The following TCF7L2 variants were observed in gnomAD, a reference collection of about 807,000 sequenced individuals.
The protein encoded by TCF7L2 is transcription factor 7-like 2.
TCF7L2 carries 23 observed loss-of-function variants against 77.9 expected under a neutral mutation model. That is an observed-to-expected ratio of 0.30 (90% CI 0.21 to 0.42). The LOEUF (loss-of-function observed/expected upper bound fraction) is 0.42. Among genes scored for constraint, TCF7L2 ranks in the 10% least tolerant of loss-of-function variants. TCF7L2 has a pLI of 1.00. For synonymous variants in TCF7L2, 413 were observed against 340.2 expected (o/e 1.21, Z -2.36); for missense variants, 654 against 793.1 (o/e 0.82, Z 2.11).
At chr10:113,065,850 G>A (rs2057173197) in intron 5 of TCF7L2, among the ~76,000 whole-genome samples, 1 of 152,186 alleles carries the variant, frequency 6.6e-6, no homozygotes, top group African/African-American at 2.4e-5. Context: ...AACATGATAT[G>A]TTGCTTTGCC....
At chr10:112,973,197 G>T (rs578176331) in intron 4 of TCF7L2, among the ~76,000 whole-genome samples, 8 of 152,206 alleles carry the variant, frequency 5.3e-5, no homozygotes, top group African/African-American at 1.9e-4. Context: ...CACCCCCAGG[G>T]TGTCAGGTTC....
At chr10:112,999,068 G>A (rs1490367816) in intron 4 of TCF7L2, among the ~76,000 whole-genome samples, 1 of 152,206 alleles carries the variant, frequency 6.6e-6, no homozygotes, top group Non-Finnish European at 1.5e-5. Context: ...CCAGGCTGGA[G>A]TGCAGTGGCA....
intron 13 of TCF7L2, chr10:113,161,715 A>G (rs2073190110): frequency 3.4e-6 from 4 of 1,189,556 alleles, no homozygotes; most frequent in Non-Finnish European, 4.8e-6. Flanking sequence ...GTTAGATCAG[A>G]TGTGCATCCC....
At chr10:113,162,115 A>G (rs2073257557) in intron 13 of TCF7L2, among the ~76,000 whole-genome samples, 1 of 152,212 alleles carries the variant, frequency 6.6e-6, no homozygotes, top group Admixed American at 6.5e-5. Flanking sequence ...TGAATTTGTC[A>G]AAATTTTACT....
At chr10:112,967,213 C>T (rs1040353480) in intron 4 of TCF7L2, among the ~76,000 whole-genome samples, 1 of 152,290 alleles carries the variant, frequency 6.6e-6, no homozygotes, top group East Asian at 1.9e-4. Context: ...CTAAATGCAG[C>T]GTGATTGTCG....
chr10:113,131,846 G>A (rs143491875), intron 5 of TCF7L2, among the ~76,000 whole-genome samples: 1,910 of 152,178 alleles, frequency 0.013, 22 homozygotes, highest in African/African-American at 0.027. Context: ...TCCAGATTAC[G>A]TAGTTCTGCA....
At chr10:113,162,539 C>G (rs2073338364) in intron 13 of TCF7L2, among the ~76,000 whole-genome samples, 1 of 152,166 alleles carries the variant, frequency 6.6e-6, no homozygotes, top group African/African-American at 2.4e-5. Context: ...ACCTTTGTAG[C>G]TGCTTCCTGT....
At chr10:113,027,885 G>A (rs1324452395) in intron 4 of TCF7L2, among the ~76,000 whole-genome samples, 1 of 152,272 alleles carries the variant, frequency 6.6e-6, no homozygotes, top group East Asian at 1.9e-4. Context: ...CCGTCCCATG[G>A]AACGTGAAGA....
intron 8 of TCF7L2, among the ~76,000 whole-genome samples, chr10:113,149,749 C>T (rs113382259): frequency 2.1e-5 from 3 of 145,304 alleles, no homozygotes; most frequent in African/African-American, 4.9e-5. Flanking sequence ...CATTGGACTG[C>T]TTTGGTTTGG....
rs777644565 is a variant in TCF7L2 at position 113,040,117 on chromosome 10, A to G, written c.543A>G (p.Ala181=). The change falls in exon 5 of 14, where the codon GCA becomes GCG. Residue 181 remains alanine (A), a synonymous_variant. Coordinates refer to ENST00000627217, the MANE Select transcript of TCF7L2 (RefSeq NM_001146274.2). The stretch of plus-strand genomic sequence containing the variant: ...AGGATGCCCGGTCCCCATCACCGGC[A>G]CACATTGTCGTAAGTAACCTCCCAG... 2 of 1,613,740 alleles carry G rather than the reference A, an allele frequency of 1.2e-6. No homozygotes were observed. The highest frequency in any genetic ancestry group is 1.1e-5 in the South Asian group (1 of 91,030).
At chr10:113,072,064 A>G (rs933722995) in intron 5 of TCF7L2, among the ~76,000 whole-genome samples, 1 of 152,112 alleles carries the variant, frequency 6.6e-6, no homozygotes, top group Non-Finnish European at 1.5e-5. Context: ...TAATTAGTTT[A>G]TTTATTTTTT....
At chr10:112,964,508 G>C (rs1409654404) in intron 3 of TCF7L2, 48 bp from the exon 4 acceptor site, 1 of 1,565,844 alleles carries the variant, frequency 6.4e-7, no homozygotes, top group Non-Finnish European at 8.8e-7. Flanking sequence ...ATGTTTTCTT[G>C]TAGTTTGTGA....
At chr10:113,127,835 T>C (rs1322616082) in intron 5 of TCF7L2, among the ~76,000 whole-genome samples, 1 of 151,628 alleles carries the variant, frequency 6.6e-6, no homozygotes. Context: ...AGGGGGTCTG[T>C]CTAGCATGAG....
chr10:113,077,706 T>C (rs2058848853), intron 5 of TCF7L2, among the ~76,000 whole-genome samples: 1 of 149,038 alleles, frequency 6.7e-6, no homozygotes, highest in African/African-American at 2.4e-5. Flanking sequence ...TTTCTTCTTT[T>C]TTTTTTTTTT....
chr10:113,077,727 G>T (rs1396677615), intron 5 of TCF7L2, among the ~76,000 whole-genome samples: 1 of 142,880 alleles, frequency 7.0e-6, no homozygotes, highest in Non-Finnish European at 1.5e-5. Context: ...TTGAGATAGA[G>T]TCTTGCTGTG....
intron 5 of TCF7L2, among the ~76,000 whole-genome samples, chr10:113,091,761 A>G (rs1342456380): frequency 1.3e-5 from 2 of 152,162 alleles, no homozygotes; most frequent in Non-Finnish European, 2.9e-5. Context: ...GCTGTCTTGC[A>G]TGCTTGCCTC....
chr10:112,956,804 C>T (rs1336623202), intron 3 of TCF7L2, among the ~76,000 whole-genome samples: 2 of 152,124 alleles, frequency 1.3e-5, no homozygotes, highest in African/African-American at 2.4e-5. Flanking sequence ...AGATATTTGA[C>T]GCCACGTTGG....
At position 113,165,547 on chromosome 10, in the gene TCF7L2, G is replaced by C. The variant is rs975157071; in HGVS notation, c.1392-8G>C. ...CTATTCACAGATAACTCTCTCCCCTGTTTCTAGGAGAAAAAAAAAGTGCGT... is the reference window on the plus strand; with the variant it reads ...CTATTCACAGATAACTCTCTCCCCTCTTTCTAGGAGAAAAAAAAAGTGCGT... On this transcript the variant is annotated splice_polypyrimidine_tract_variant and splice_region_variant and intron_variant, in intron 13 of 13. Coordinates refer to ENST00000627217, the MANE Select transcript of TCF7L2 (RefSeq NM_001146274.2). 7.4e-6 allele frequency: 12 copies of C among 1,613,262 alleles called. No homozygotes were observed. The highest frequency in any genetic ancestry group is 9.3e-6 in the Non-Finnish European group (11 of 1,179,790).
At chr10:112,966,184 T>TTATATTTATATATATATATA (rs1554876897) in intron 4 of TCF7L2, among the ~76,000 whole-genome samples, 2 of 114,280 alleles carry the variant, frequency 1.8e-5, no homozygotes, top group African/African-American at 9.5e-5. Context: ...TAAAATATAT[T>TTATATTTATATATATATATA]TATATATATA....
Sources: allele counts gnomAD v4.1 joint callset (sites outside exome capture counted in the v4.1 genomes callset), GRCh38; gene constraint gnomAD v4.1.1; transcripts MANE v1.5; gene names NCBI Gene and HGNC (gene_info 2026-07-23, HGNC 2026-07-21).